Variants in AGPAT4 observed in about 807,000 individuals in gnomAD.
The protein encoded by AGPAT4 is 1-acyl-sn-glycerol-3-phosphate acyltransferase delta.
A neutral mutation model predicts 48.0 loss-of-function variants in AGPAT4; 15 were observed. The observed-to-expected ratio is 0.31, with a 90% CI of 0.21 to 0.48. AGPAT4 has a LOEUF of 0.48. Ranked by LOEUF, AGPAT4 falls within the 20% of genes least tolerant of loss-of-function variation. AGPAT4 has a pLI of 0.99. For synonymous variants in AGPAT4, 178 were observed against 198.7 expected (o/e 0.90, Z 0.88); for missense variants, 314 against 482.5 (o/e 0.65, Z 3.27).
intron 2 of AGPAT4, among the ~76,000 whole-genome samples, chr6:161,224,655 A>AG (rs1485580226): frequency 1.3e-5 from 2 of 151,464 alleles, no homozygotes; most frequent in African/African-American, 4.9e-5. Flanking sequence ...AAAAAAAAAA[A>AG]AAAAAGAAAG....
Position 161,180,465 on chromosome 6 carries a change from A to G in AGPAT4, c.179-14048T>C, listed in dbSNP as rs1241781988. Among the ~76,000 whole-genome samples, 3 of 152,244 alleles carry G rather than the reference A, an allele frequency of 2.0e-5. No individual in the cohort carries two copies. Among genetic ancestry groups the G allele is most frequent in the African/African-American group, 7.2e-5 (3 of 41,466 alleles). On this transcript the variant is annotated intron_variant, in intron 2 of 8. Coordinates refer to ENST00000320285, the MANE Select transcript of AGPAT4 (RefSeq NM_020133.3). This position sits in a 1 kb window ranked among gnomAD's most constrained non-coding sequence, Gnocchi z 6.4. ...CAGCTGCAGATATGGGCACCATGTT[A>G]CGTGGGGAAATGGCCTTATGATCAT...
At position 161,270,606 on chromosome 6, in the gene AGPAT4, T is replaced by TA. The variant is rs1279662050; in HGVS notation, c.-90+3331dup. Among the ~76,000 whole-genome samples the TA allele has an allele frequency of 6.6e-6, 1 of 151,926 alleles. No homozygotes were observed. The highest frequency in any genetic ancestry group is 1.5e-5 in the Non-Finnish European group (1 of 67,976). The stretch of plus-strand genomic sequence containing the variant: ...CAATACAGTGAAATTCTATCTCTAC[T>TA]AAAAATACAAAAAAATAAAAAATAA... On this transcript the variant is annotated intron_variant, in intron 1 of 8. Transcript: ENST00000320285. The surrounding 1 kb of genome is among the most constrained non-coding windows in gnomAD (Gnocchi z 5.3).
In AGPAT4 at chr6:161,234,391, A is replaced by G. The variant is rs1328187890; in HGVS notation, c.-89-2089T>C. On this transcript the variant is annotated intron_variant, in intron 1 of 8. Transcript: ENST00000320285. This position sits in a 1 kb window ranked among gnomAD's most constrained non-coding sequence, Gnocchi z 4.4. ...CCCAGAAGCTCCACTCTCTGGCACA[A>G]ATCCAGGCCCTGCAGGGTCTGAATC... 6.6e-6 allele frequency among the ~76,000 whole-genome samples: 1 copy of G among 151,924 alleles called. No individual in the cohort carries two copies. The highest frequency in any genetic ancestry group is 1.9e-4 in the East Asian group (1 of 5,176).
At chr6:161,228,127 T>C (rs965120589) in intron 2 of AGPAT4, among the ~76,000 whole-genome samples, 1 of 152,228 alleles carries the variant, frequency 6.6e-6, no homozygotes, top group South Asian at 2.1e-4. Flanking sequence ...CTAAATTTGA[T>C]GTGCTTTAAG....
Position 161,202,547 on chromosome 6 carries a change from T to C in AGPAT4, c.178+29489A>G, listed in dbSNP as rs1400354750. ...AGTTAGGGAAATGGGGTTTCACTTT[T>C]TTCAGGGAAGACTGTCAAAGACATA... On this transcript the variant is annotated intron_variant, in intron 2 of 8. Transcript: ENST00000320285. The surrounding 1 kb of genome is among the most constrained non-coding windows in gnomAD (Gnocchi z 5.4). Among the ~76,000 whole-genome samples, 1 of 152,162 alleles carries C rather than the reference T, an allele frequency of 6.6e-6. No individual in the cohort carries two copies. Among genetic ancestry groups the C allele is most frequent in the Non-Finnish European group, 1.5e-5 (1 of 68,032 alleles).
rs1401790130 is a variant in AGPAT4 at position 161,217,556 on chromosome 6, T to C, written c.178+14480A>G. On this transcript the variant is annotated intron_variant, in intron 2 of 8. Transcript: ENST00000320285. The surrounding 1 kb of genome is among the most constrained non-coding windows in gnomAD (Gnocchi z 4.9). ...TGAAGGCATTGGCGTTATGCCTGCATTTTCTCTCACTAATCATGTTCAGCT... is the reference window on the plus strand; with the variant it reads ...TGAAGGCATTGGCGTTATGCCTGCACTTTCTCTCACTAATCATGTTCAGCT... 6.6e-6 allele frequency among the ~76,000 whole-genome samples: 1 copy of C among 152,200 alleles called. No homozygotes were observed. The highest frequency in any genetic ancestry group is 1.9e-4 in the East Asian group (1 of 5,190).
At chr6:161,268,361 C>T (rs940666144) in intron 1 of AGPAT4, among the ~76,000 whole-genome samples, 5 of 152,130 alleles carry the variant, frequency 3.3e-5, no homozygotes, top group South Asian at 2.1e-4. Flanking sequence ...AAAAACAAAA[C>T]GGGATACATG....
At chr6:161,174,229 C>T (rs1226017020) in intron 2 of AGPAT4, among the ~76,000 whole-genome samples, 1 of 152,136 alleles carries the variant, frequency 6.6e-6, no homozygotes, top group East Asian at 1.9e-4. Context: ...CTATAAATTA[C>T]CTTGGGCAGT....
Position 161,136,508 on chromosome 6 carries a change from A to AGGTT in AGPAT4, c.*28_*31dup, listed in dbSNP as rs1779070581. ...ATATGCAGAGGCCACCAGTTCCCCA[A>AGGTT]GGTTCCCTTCGGATGGTGACACCTC... On this transcript the variant is annotated 3_prime_UTR_variant, in exon 9 of 9. Transcript: ENST00000320285. The AGGTT allele has an allele frequency of 1.9e-6, 3 of 1,600,586 alleles. No individual in the cohort carries two copies. Among genetic ancestry groups the AGGTT allele is most frequent in the Non-Finnish European group, 2.6e-6 (3 of 1,168,086 alleles).
At position 161,146,851 on chromosome 6, in the gene AGPAT4, A is replaced by T. The variant is rs1779446955; in HGVS notation, c.768-252T>A. ...AATGGCACAGACAGATGCTGTGAGA[A>T]CAGGGGACACCTGCCTCATTCCGTC... is the stretch of plus-strand genomic sequence containing the variant. On this transcript the variant is annotated intron_variant, in intron 6 of 8. Coordinates refer to ENST00000320285, the MANE Select transcript of AGPAT4 (RefSeq NM_020133.3). The surrounding 1 kb of genome is among the most constrained non-coding windows in gnomAD (Gnocchi z 7.1). Among the ~76,000 whole-genome samples the T allele has an allele frequency of 6.6e-6, 1 of 152,184 alleles. No individual in the cohort carries two copies. The highest frequency in any genetic ancestry group is 6.5e-5 in the Admixed American group (1 of 15,276).
chr6:161,144,280 G>A lies in AGPAT4; in HGVS notation c.843+2244C>T, dbSNP rs963463684. 6.1e-5 allele frequency: 29 copies of A among 477,028 alleles called. 1 individual carries two copies. Among genetic ancestry groups the A allele is most frequent in the African/African-American group, 5.0e-4 (25 of 50,316 alleles). The allele number at this position is 477,028 out of a possible 1,614,324, so 29.5% of individuals were successfully genotyped here. On this transcript the variant is annotated intron_variant, in intron 7 of 8. Coordinates refer to ENST00000320285, the MANE Select transcript of AGPAT4 (RefSeq NM_020133.3). This position sits in a 1 kb window ranked among gnomAD's most constrained non-coding sequence, Gnocchi z 6.6. ...GTCGCCCCAGCCCTGCACGGAGAGA[G>A]AAAGGGCCTGGACTCCAGCACCTGG...
chr6:161,167,193 G>C (rs1211317470), intron 2 of AGPAT4, among the ~76,000 whole-genome samples: 1 of 152,070 alleles, frequency 6.6e-6, no homozygotes, highest in Non-Finnish European at 1.5e-5. Flanking sequence ...TGTTCAGTAG[G>C]GGTGGGCGCC....
rs3798931 is a variant in AGPAT4 at position 161,201,447 on chromosome 6, C to G, written c.178+30589G>C. Reference sequence around the variant, plus strand: ...AAGTAAGAAAGTCATTTGTAAAAACCAGGAGAAATGGTTTTCTGTTCTTTA... The same window carrying G: ...AAGTAAGAAAGTCATTTGTAAAAACGAGGAGAAATGGTTTTCTGTTCTTTA... On this transcript the variant is annotated intron_variant, in intron 2 of 8. Coordinates refer to ENST00000320285, the MANE Select transcript of AGPAT4 (RefSeq NM_020133.3). This position sits in a 1 kb window ranked among gnomAD's most constrained non-coding sequence, Gnocchi z 6.0. Among the ~76,000 whole-genome samples the G allele has an allele frequency of 0.046, 7,015 of 152,038 alleles. 292 individuals carry two copies. Among genetic ancestry groups the G allele is most frequent in the East Asian group, 0.24 (1,221 of 5,172 alleles).
intron 1 of AGPAT4, among the ~76,000 whole-genome samples, chr6:161,256,372 A>G (rs3757030): frequency 0.6 from 90,537 of 152,130 alleles, 27,959 homozygotes; most frequent in African/African-American, 0.77. Flanking sequence ...AAGATTGGGG[A>G]AAAGTCTTCG....
rs750494372 is a variant in AGPAT4, at chr6:161,164,270, C to T, written c.348+1978G>A. 3.3e-5 allele frequency among the ~76,000 whole-genome samples: 5 copies of T among 152,212 alleles called. No homozygotes were observed. The highest frequency in any genetic ancestry group is 7.2e-5 in the African/African-American group (3 of 41,448). ...CTCCCTGCATGTGTTGTGGGGCTCA[C>T]CTTCTCCCTCATCTGTGCCTGTCCC... is the stretch of plus-strand genomic sequence containing the variant. On this transcript the variant is annotated intron_variant, in intron 3 of 8. Coordinates refer to ENST00000320285, the MANE Select transcript of AGPAT4 (RefSeq NM_020133.3). The surrounding 1 kb of genome is among the most constrained non-coding windows in gnomAD (Gnocchi z 7.4).
chr6:161,265,100 G>A (rs1783212472), intron 1 of AGPAT4, among the ~76,000 whole-genome samples: 1 of 152,098 alleles, frequency 6.6e-6, no homozygotes. Flanking sequence ...CTGCTGGACT[G>A]GGTGGTGGAT....
rs533719247 is a variant in AGPAT4, at chr6:161,200,436, C to A, written c.178+31600G>T. Among the ~76,000 whole-genome samples the A allele has an allele frequency of 2.4e-4, 37 of 152,330 alleles. No individual in the cohort carries two copies. The highest frequency in any genetic ancestry group is 4.0e-4 in the Non-Finnish European group (27 of 68,030). ...ATGCCATTTTATCTCCAAATAACCA[C>A]AGTACAATCCTAATTATCTATGAGA... On this transcript the variant is annotated intron_variant, in intron 2 of 8. Coordinates refer to ENST00000320285, the MANE Select transcript of AGPAT4 (RefSeq NM_020133.3). The surrounding 1 kb of genome is among the most constrained non-coding windows in gnomAD (Gnocchi z 5.5).
At chr6:161,176,277 C>G (rs1780424446) in intron 2 of AGPAT4, among the ~76,000 whole-genome samples, 1 of 152,156 alleles carries the variant, frequency 6.6e-6, no homozygotes, top group Non-Finnish European at 1.5e-5. Context: ...GTCTAAGTCT[C>G]TTTGTAGGTC....
rs1446429289 is a variant in AGPAT4, at chr6:161,218,349, G to C, written c.178+13687C>G. On this transcript the variant is annotated intron_variant, in intron 2 of 8. Coordinates refer to ENST00000320285, the MANE Select transcript of AGPAT4 (RefSeq NM_020133.3). This position sits in a 1 kb window ranked among gnomAD's most constrained non-coding sequence, Gnocchi z 4.7. ...TCTATATGAAATCAATGAAGAAGAA[G>C]TTGGGAAGAGATTACCAAATTACCA... Among the ~76,000 whole-genome samples, 2 of 152,192 alleles carry C rather than the reference G, an allele frequency of 1.3e-5. No individual in the cohort carries two copies. The highest frequency in any genetic ancestry group is 1.3e-4 in the Admixed American group (2 of 15,278).
Sources: gnomAD v4.1 joint callset for allele counts (sites outside exome capture counted in the v4.1 genomes callset) on GRCh38, gnomAD v4.1.1 for gene constraint, Gnocchi (gnomAD v3.1) non-coding constraint, MANE v1.5 for transcripts, NCBI Gene and HGNC (gene_info 2026-07-23, HGNC 2026-07-21) for gene names.